CUX2: variants seen among roughly 807,000 people sequenced by gnomAD.
The protein encoded by CUX2 is homeobox protein cut-like 2.
CUX2 carries 40 observed loss-of-function variants against 144.8 expected under a neutral mutation model. That is an observed-to-expected ratio of 0.28 (90% CI 0.21 to 0.36). The LOEUF (loss-of-function observed/expected upper bound fraction) is 0.36, where lower values mean the gene tolerates loss of function less well. Among genes scored for constraint, CUX2 ranks in the 10% least tolerant of loss-of-function variants. CUX2 has a pLI of 1.00. For synonymous variants in CUX2, 827 were observed against 875.6 expected (o/e 0.94, Z 0.98); for missense variants, 1,615 against 1,994.0 (o/e 0.81, Z 3.62).
At chr12:111,095,616 G>A (rs1230881416) in intron 1 of CUX2, among the ~76,000 whole-genome samples, 1 of 152,080 alleles carries the variant, frequency 6.6e-6, no homozygotes, top group African/African-American at 2.4e-5. Context: ...TTAAGTCTCA[G>A]TTTCCTCATT....
chr12:111,274,285 C>T (rs1884759291), intron 4 of CUX2, among the ~76,000 whole-genome samples: 1 of 152,066 alleles, frequency 6.6e-6, no homozygotes, highest in African/African-American at 2.4e-5. Flanking sequence ...TGTGCTATTC[C>T]CTGGCTGGGT....
At chr12:111,333,646 C>T (rs1461613976) in intron 18 of CUX2, among the ~76,000 whole-genome samples, 1 of 152,128 alleles carries the variant, frequency 6.6e-6, no homozygotes, top group Non-Finnish European at 1.5e-5. Context: ...CTTCTCAGGC[C>T]ATCCTCTCAG....
At chr12:111,347,312 C>A (rs1178643717) in intron 21 of CUX2, among the ~76,000 whole-genome samples, 1 of 152,206 alleles carries the variant, frequency 6.6e-6, no homozygotes, top group Non-Finnish European at 1.5e-5. Context: ...CACTTAACAT[C>A]TCTGAGCCTT....
rs534821132 is a variant in CUX2, at chr12:111,083,440, G to A, written c.63+49200G>A. Among the ~76,000 whole-genome samples the A allele has an allele frequency of 1.2e-3, 180 of 152,310 alleles. 2 individuals carry two copies. Among genetic ancestry groups the A allele is most frequent in the African/African-American group, 4.0e-3 (167 of 41,572 alleles). On this transcript the variant is annotated intron_variant, in intron 1 of 21. Transcript: ENST00000261726. ...TATGGGACCAAGGACAGATGGGAAG[G>A]GAAGAGGAGTCCTTTGGGGTGAGTG... is the stretch of plus-strand genomic sequence containing the variant.
At chr12:111,063,343 C>A (rs1396840166) in intron 1 of CUX2, among the ~76,000 whole-genome samples, 1 of 152,334 alleles carries the variant, frequency 6.6e-6, no homozygotes, top group African/African-American at 2.4e-5. Flanking sequence ...ACCCCCTCCC[C>A]CCACCACCCT....
intron 1 of CUX2, among the ~76,000 whole-genome samples, chr12:111,107,500 G>T (rs1873680830): frequency 6.6e-6 from 1 of 152,268 alleles, no homozygotes; most frequent in African/African-American, 2.4e-5. Context: ...TCCGGGAGCT[G>T]CAGGTTTCAC....
chr12:111,105,845 A>G (rs1566224870), intron 1 of CUX2, among the ~76,000 whole-genome samples: 1 of 150,764 alleles, frequency 6.6e-6, no homozygotes, highest in East Asian at 1.9e-4. Context: ...GATTTCACTG[A>G]TATTAACTAA....
Position 111,304,146 on chromosome 12 carries a change from G to A in CUX2, c.754-64G>A, listed in dbSNP as rs1411059618. On this transcript the variant is annotated intron_variant, in intron 9 of 21. Coordinates refer to ENST00000261726, the MANE Select transcript of CUX2 (RefSeq NM_015267.4). This position sits in a 1 kb window ranked among gnomAD's most constrained non-coding sequence, Gnocchi z 4.7. The stretch of plus-strand genomic sequence containing the variant: ...CTCCCCAACCCCTGCCTGAAACAGT[G>A]CAGGGAGAAGGTGGAAGTGCAGAGT... 3.0e-6 allele frequency: 4 copies of A among 1,355,144 alleles called. No homozygotes were observed. The highest frequency in any genetic ancestry group is 4.1e-6 in the Non-Finnish European group (4 of 964,108). The allele number at this position is 1,355,144 out of a possible 1,614,324, so 83.9% of individuals were successfully genotyped here.
intron 1 of CUX2, among the ~76,000 whole-genome samples, chr12:111,196,541 G>A (rs1674205398): frequency 6.6e-6 from 1 of 152,174 alleles, no homozygotes; most frequent in Non-Finnish European, 1.5e-5. Context: ...GAGAATTTGG[G>A]CTGGGAATTC....
Position 111,248,231 on chromosome 12 carries a change from C to T in CUX2, c.223-15530C>T, listed in dbSNP as rs7962790. ...CATATCTTTTAACTGCTGGTGTCTTCACACCCCAGCTGGGTCCCGATGTCC... is the reference window on the plus strand; with the variant it reads ...CATATCTTTTAACTGCTGGTGTCTTTACACCCCAGCTGGGTCCCGATGTCC... On this transcript the variant is annotated intron_variant, in intron 3 of 21. Transcript: ENST00000261726. Among the ~76,000 whole-genome samples the T allele has an allele frequency of 2.0e-3, 309 of 152,318 alleles. 3 individuals carry two copies. Among genetic ancestry groups the T allele is most frequent in the African/African-American group, 7.1e-3 (295 of 41,568 alleles).
At chr12:111,221,915 C>T (rs1179814716) in intron 3 of CUX2, among the ~76,000 whole-genome samples, 2 of 152,080 alleles carry the variant, frequency 1.3e-5, no homozygotes, top group Non-Finnish European at 2.9e-5. Context: ...TTAGATTTCT[C>T]CTGTTCAGGG....
chr12:111,176,039 C>CTTTTTTTTTTTTTTTT (rs1172563784), intron 1 of CUX2, among the ~76,000 whole-genome samples: 2 of 70,196 alleles, frequency 2.8e-5, no homozygotes, highest in Non-Finnish European at 5.3e-5. Context: ...TCTTCTTCTT[C>CTTTTTTTTTTTTTTTT]TTTTTTTTTT....
At chr12:111,156,318 C>T (rs542864516) in intron 1 of CUX2, among the ~76,000 whole-genome samples, 2 of 152,332 alleles carry the variant, frequency 1.3e-5, no homozygotes, top group South Asian at 4.1e-4. Flanking sequence ...CTGCCCTCAT[C>T]CCTGTTCCCC....
chr12:111,098,280 A>T (rs1305938452), intron 1 of CUX2, among the ~76,000 whole-genome samples: 1 of 152,108 alleles, frequency 6.6e-6, no homozygotes, highest in African/African-American at 2.4e-5. Flanking sequence ...CCTGCCTGTA[A>T]TCCCAGCTAC....
intron 1 of CUX2, among the ~76,000 whole-genome samples, chr12:111,104,633 A>G (rs1482990086): frequency 6.6e-6 from 1 of 152,182 alleles, no homozygotes; most frequent in African/African-American, 2.4e-5. Flanking sequence ...TTCACACAAC[A>G]TATTGAAGGA....
At chr12:111,074,705 T>C (rs1871426137) in intron 1 of CUX2, among the ~76,000 whole-genome samples, 1 of 152,054 alleles carries the variant, frequency 6.6e-6, no homozygotes, top group Non-Finnish European at 1.5e-5. Flanking sequence ...TGCATTGATT[T>C]CTGGCTGCAG....
intron 1 of CUX2, among the ~76,000 whole-genome samples, chr12:111,169,732 A>G (rs1878395119): frequency 6.6e-6 from 1 of 152,194 alleles, no homozygotes; most frequent in Non-Finnish European, 1.5e-5. Flanking sequence ...CTGGTATCTA[A>G]TAGCGCTTTT....
Position 111,348,551 on chromosome 12 carries a change from C to T in CUX2, c.*226C>T. On this transcript the variant is annotated 3_prime_UTR_variant, in exon 22 of 22. Coordinates refer to ENST00000261726, the MANE Select transcript of CUX2 (RefSeq NM_015267.4). ...TTTTCTGCACCCCCCTGCTCCTCTT[C>T]ACCCTGACCCCTCTGCAGGAGGCAG... 1.9e-6 allele frequency: 1 copy of T among 521,664 alleles called. No individual in the cohort carries two copies. The highest frequency in any genetic ancestry group is 3.6e-5 in the Admixed American group (1 of 27,814). 32.3% of individuals were successfully genotyped at this position (521,664 alleles called of 1,614,324 possible).
intron 1 of CUX2, among the ~76,000 whole-genome samples, chr12:111,176,934 G>A (rs1057051332): frequency 6.6e-6 from 1 of 152,146 alleles, no homozygotes; most frequent in Non-Finnish European, 1.5e-5. Context: ...TTGCAGGGTC[G>A]TCCTGTGCCT....
Sources: allele counts gnomAD v4.1 joint callset (sites outside exome capture counted in the v4.1 genomes callset), GRCh38; gene constraint gnomAD v4.1.1; non-coding constraint Gnocchi (gnomAD v3.1); transcripts MANE v1.5; gene names NCBI Gene and HGNC (gene_info 2026-07-23, HGNC 2026-07-21).